The following MED1 variants were observed in gnomAD, a reference collection of about 807,000 sequenced individuals.
MED1 encodes the protein mediator of RNA polymerase II transcription subunit 1.
In MED1, 17 loss-of-function variants were observed where a neutral mutation model predicts 121.3. That is an observed-to-expected ratio of 0.14 (90% CI 0.10 to 0.21). The LOEUF (loss-of-function observed/expected upper bound fraction) is 0.21, where lower values mean the gene tolerates loss of function less well. Among genes scored for constraint, MED1 ranks in the 10% least tolerant of loss-of-function variants. The pLI, the probability that MED1 is intolerant of heterozygous loss-of-function variation, is 1.00. For missense variants in MED1, 1,558 were observed against 1,919.4 expected, an observed-to-expected ratio of 0.81 and a Z score of 3.52; for synonymous variants, 661 against 694.4, an observed-to-expected ratio of 0.95 and a Z score of 0.76.
intron 13 of MED1, among the ~76,000 whole-genome samples, chr17:39,420,455 C>A (rs2048451647): frequency 6.6e-6 from 1 of 152,074 alleles, no homozygotes; most frequent in South Asian, 2.1e-4. Flanking sequence ...CCCACCTGGG[C>A]CTCCCAAAGT....
intron 9 of MED1, among the ~76,000 whole-genome samples, chr17:39,429,809 G>A (rs904504762): frequency 3.3e-5 from 5 of 150,022 alleles, no homozygotes; most frequent in East Asian, 2.0e-4. Flanking sequence ...AGATGAGGCC[G>A]GGCGCAGTGG....
At chr17:39,432,248 C>A (rs1465059841) in intron 7 of MED1, among the ~76,000 whole-genome samples, 1 of 143,616 alleles carries the variant, frequency 7.0e-6, no homozygotes, top group African/African-American at 2.6e-5. Flanking sequence ...AAGGGTGAGG[C>A]AGGAGAATTG....
In MED1 at chr17:39,426,826, G is replaced by A. The variant is rs189870016; in HGVS notation, c.739+875C>T. ...TGGGATTACAGGCATGAGCCACCGC[G>A]CCCGGCAGTCTATCTCTCTTTATCT... On this transcript the variant is annotated intron_variant, in intron 10 of 16. Coordinates refer to ENST00000300651, the MANE Select transcript of MED1 (RefSeq NM_004774.4). Among the ~76,000 whole-genome samples the A allele has an allele frequency of 1.2e-3, 179 of 152,112 alleles. 5 individuals carry two copies. The East Asian group carries it at 0.03, about 26-fold the overall frequency.
At chr17:39,437,434 C>G (rs548737093) in intron 6 of MED1, among the ~76,000 whole-genome samples, 2 of 152,138 alleles carry the variant, frequency 1.3e-5, no homozygotes, top group African/African-American at 4.8e-5. Flanking sequence ...TTTTGTGCCC[C>G]AGGGGACATG....
chr17:39,406,345 T>C lies in MED1; in HGVS notation c.*1130A>G. 1.0e-6 allele frequency: 1 copy of C among 985,562 alleles called. No individual in the cohort carries two copies. 61.1% of individuals were successfully genotyped at this position (985,562 alleles called of 1,614,324 possible). A position where few individuals can be genotyped will look rare whatever the true frequency, so the allele number is the denominator to read the frequency against. On this transcript the variant is annotated 3_prime_UTR_variant, in exon 17 of 17. Transcript: ENST00000300651. Reference sequence around the variant, plus strand: ...GAGTGATTAAAGTTTGGACTCCTTCTCCTTGTGATGAAGAGAAACAGTGAG... The same window carrying C: ...GAGTGATTAAAGTTTGGACTCCTTCCCCTTGTGATGAAGAGAAACAGTGAG...
intron 5 of MED1, 28 bp from the exon 6 acceptor site, chr17:39,439,221 C>T (rs771474290): frequency 1.3e-6 from 2 of 1,566,798 alleles, no homozygotes; most frequent in East Asian, 4.6e-5. Flanking sequence ...TATGTTAAAA[C>T]ATTAAAACTA....
intron 2 of MED1, among the ~76,000 whole-genome samples, chr17:39,446,110 G>A (rs1015608162): frequency 1.3e-5 from 2 of 151,916 alleles, no homozygotes; most frequent in Non-Finnish European, 2.9e-5. Flanking sequence ...CAAAGTGGGT[G>A]GATCACTTGA....
At chr17:39,438,337 ATTTTTTTT>A (rs1185343270) in intron 6 of MED1, among the ~76,000 whole-genome samples, 3 of 58,932 alleles carry the variant, frequency 5.1e-5, no homozygotes, top group East Asian at 4.5e-4. Context: ...TGCCTGGCTA[ATTTTTTTT>A]TTTTTTTTTT....
chr17:39,436,145 G>A (rs777971214), intron 6 of MED1, among the ~76,000 whole-genome samples: 44 of 151,928 alleles, frequency 2.9e-4, no homozygotes, highest in Admixed American at 9.2e-4. Flanking sequence ...GGCAGATCAC[G>A]AGGTCAGGAG....
At position 39,440,560 on chromosome 17, in the gene MED1, TAAA is replaced by T. The variant is rs1567652292; in HGVS notation, c.267-45_267-43del. ...AAAACAAAAATTAATAGAAGACACA[TAAA>T]TAAAGCCACCCAAAGTTAACACTAA... On this transcript the variant is annotated intron_variant, in intron 4 of 16. Coordinates refer to ENST00000300651, the MANE Select transcript of MED1 (RefSeq NM_004774.4). This position sits in a 1 kb window ranked among gnomAD's most constrained non-coding sequence, Gnocchi z 4.1. 2.5e-6 allele frequency: 4 copies of T among 1,612,146 alleles called. No individual in the cohort carries two copies. Among genetic ancestry groups the T allele is most frequent in the Non-Finnish European group, 3.4e-6 (4 of 1,179,502 alleles).
At chr17:39,431,870 T>A in intron 8 of MED1, 72 bp downstream of exon 8, 1 of 1,075,362 alleles carries the variant, frequency 9.3e-7, no homozygotes, top group Non-Finnish European at 1.4e-6. Context: ...TAGAGATGTA[T>A]AAAATAGGAC....
chr17:39,440,238 G>C lies in MED1; in HGVS notation c.399+148C>G. The C allele has an allele frequency of 2.7e-6, 2 of 741,040 alleles. No homozygotes were observed. Among genetic ancestry groups the C allele is most frequent in the Non-Finnish European group, 2.1e-6 (1 of 477,576 alleles). 45.9% of individuals were successfully genotyped at this position (741,040 alleles called of 1,614,324 possible). A position where few individuals can be genotyped will look rare whatever the true frequency, so the allele number is the denominator to read the frequency against. On this transcript the variant is annotated intron_variant, in intron 5 of 16. Transcript: ENST00000300651. This position sits in a 1 kb window ranked among gnomAD's most constrained non-coding sequence, Gnocchi z 4.1. ...CATATTTTCTAAATCCCATTCTATA[G>C]CTGTTGATTTTGTAGCCCATCACAT...
At chr17:39,425,561 T>C (rs970829502) in intron 10 of MED1, among the ~76,000 whole-genome samples, 1 of 152,110 alleles carries the variant, frequency 6.6e-6, no homozygotes, top group South Asian at 2.1e-4. Flanking sequence ...CCCAGCACTT[T>C]GGGAGGCTGA....
chr17:39,409,086 A>G lies in MED1; in HGVS notation c.3135T>C (p.Ser1045=), dbSNP rs1248906682. ...TSTGGSKSPG[S]AGRSQTPPGV... is the part of the protein sequence containing the mutation. ...CTGGGGGAGTCTGAGATCTTCCTGCACTGCCTGGCGATTTAGATCCACCTG... is the reference window on the plus strand; with the variant it reads ...CTGGGGGAGTCTGAGATCTTCCTGCGCTGCCTGGCGATTTAGATCCACCTG... The change falls in exon 17 of 17, where the codon AGT becomes AGC. Residue 1045 remains serine, a synonymous_variant. Transcript: ENST00000300651. 1.2e-6 allele frequency: 2 copies of G among 1,614,178 alleles called. No homozygotes were observed. The highest frequency in any genetic ancestry group is 1.7e-5 in the Admixed American group (1 of 60,022).
intron 16 of MED1, 141 bp from the exon 17 acceptor site, chr17:39,410,862 A>C: frequency 7.9e-7 from 1 of 1,259,820 alleles, no homozygotes; most frequent in African/African-American, 1.5e-5. Context: ...AGTTCTATCA[A>C]ATACCAGAGC....
Position 39,406,337 on chromosome 17 carries a change from ACTCCTT to A in MED1, c.*1132_*1137del. 6.1e-6 allele frequency: 6 copies of A among 985,048 alleles called. No homozygotes were observed. Among genetic ancestry groups the A allele is most frequent in the Non-Finnish European group, 7.2e-6 (6 of 829,850 alleles). The allele number at this position is 985,048 out of a possible 1,614,324, so 61.0% of individuals were successfully genotyped here. A position where few individuals can be genotyped will look rare whatever the true frequency, so the allele number is the denominator to read the frequency against. On this transcript the variant is annotated 3_prime_UTR_variant, in exon 17 of 17. Transcript: ENST00000300651. ...ATACAGTGGAGTGATTAAAGTTTGGACTCCTTCTCCTTGTGATGAAGAGAAACAGTG... is the reference window on the plus strand; with the variant it reads ...ATACAGTGGAGTGATTAAAGTTTGGACTCCTTGTGATGAAGAGAAACAGTG...
chr17:39,415,147 C>A lies in MED1; in HGVS notation c.1394-16G>T, dbSNP rs747514114. Reference sequence around the variant, plus strand: ...TCCATTACCACTGAAAGACAAAATACATAGGAAATTGTTTTAGATTTAGCT... The same window carrying A: ...TCCATTACCACTGAAAGACAAAATAAATAGGAAATTGTTTTAGATTTAGCT... On this transcript the variant is annotated splice_polypyrimidine_tract_variant and intron_variant, in intron 15 of 16. Coordinates refer to ENST00000300651, the MANE Select transcript of MED1 (RefSeq NM_004774.4). 12 of 1,612,652 alleles carry A rather than the reference C, an allele frequency of 7.4e-6. No individual in the cohort carries two copies. In the East Asian group the frequency reaches 2.5e-4, roughly 33 times the overall value.
In MED1 at chr17:39,408,490, T is replaced by G. The variant is rs769079743; in HGVS notation, c.3731A>C (p.Lys1244Thr). 6.2e-7 allele frequency: 1 copy of G among 1,614,152 alleles called. No homozygotes were observed. Among genetic ancestry groups the G allele is most frequent in the South Asian group, 1.1e-5 (1 of 91,082 alleles). Residue 1244 changes from lysine (K) to threonine (T), a missense_variant, in exon 17 of 17, where the codon AAG becomes ACG. Around this residue, in one of 5 missense-constraint regions of MED1, gnomAD observed 793 missense variants for 898.2 expected, o/e 0.88. Coordinates refer to ENST00000300651, the MANE Select transcript of MED1 (RefSeq NM_004774.4). This position sits in a 1 kb window ranked among gnomAD's most constrained non-coding sequence, Gnocchi z 4.7. ...MSGTSSSSGM[K>T]SSSGLGSSGS... ...TGAGGATCCTAACCCTGAAGATGAC[T>G]TCATGCCAGAGCTTGAACTAGTTCC...
chr17:39,438,001 C>T (rs2048635853), intron 6 of MED1, among the ~76,000 whole-genome samples: 1 of 151,718 alleles, frequency 6.6e-6, no homozygotes, highest in South Asian at 2.1e-4. Context: ...GCCGAGACCG[C>T]ACCATTATAC....
Sources: gnomAD v4.1 joint callset for allele counts (sites outside exome capture counted in the v4.1 genomes callset) on GRCh38, gnomAD v4.1.1 for gene constraint, gnomAD v4.1.1 regional missense constraint, Gnocchi (gnomAD v3.1) non-coding constraint, MANE v1.5 for transcripts, NCBI Gene and HGNC (gene_info 2026-07-23, HGNC 2026-07-21) for gene names.